Variants in CDH13 observed in about 807,000 individuals in gnomAD.
CDH13 encodes the protein cadherin-13.
A neutral mutation model predicts 63.8 loss-of-function variants in CDH13; 24 were observed. The ratio of observed to expected loss-of-function variants is 0.38; its 90% CI spans 0.27 to 0.53. The LOEUF is 0.53. Ranked by LOEUF, CDH13 falls within the 20% of genes least tolerant of loss-of-function variation. CDH13 has a pLI of 0.85. For synonymous variants in CDH13, 503 were observed against 355.3 expected, an observed-to-expected ratio of 1.42 and a Z score of -4.67; for missense variants, 1,049 against 903.1, an observed-to-expected ratio of 1.16 and a Z score of -2.07.
At chr16:83,349,318 G>A (rs2151372915) in intron 6 of CDH13, among the ~76,000 whole-genome samples, 2 of 152,194 alleles carry the variant, frequency 1.3e-5, no homozygotes, top group Middle Eastern at 3.4e-3. Flanking sequence ...GGGGGTAGAG[G>A]GTGAGAACTC....
chr16:82,885,179 A>T (rs1052391598), intron 2 of CDH13, among the ~76,000 whole-genome samples: 3 of 152,216 alleles, frequency 2.0e-5, no homozygotes, highest in Admixed American at 2.0e-4. Context: ...GTATATTATG[A>T]GCACTACTCT....
intron 2 of CDH13, among the ~76,000 whole-genome samples, chr16:82,892,957 TA>T: frequency 6.6e-6 from 1 of 152,320 alleles, no homozygotes; most frequent in East Asian, 1.9e-4. Flanking sequence ...ACAAAGTTTG[TA>T]AAAAAATTGT....
At chr16:83,467,393 C>T (rs557181500) in intron 6 of CDH13, among the ~76,000 whole-genome samples, 3 of 152,224 alleles carry the variant, frequency 2.0e-5, no homozygotes, top group African/African-American at 7.2e-5. Flanking sequence ...GGATGTCACA[C>T]ATTCATCTTC....
At chr16:83,318,395 CT>C (rs2090150243) in intron 5 of CDH13, among the ~76,000 whole-genome samples, 1 of 152,190 alleles carries the variant, frequency 6.6e-6, no homozygotes, top group African/African-American at 2.4e-5. Context: ...GTCATTTCTA[CT>C]GTTAAAACTG....
At chr16:83,108,119 C>A (rs564801458) in intron 3 of CDH13, among the ~76,000 whole-genome samples, 1 of 152,164 alleles carries the variant, frequency 6.6e-6, no homozygotes, top group African/African-American at 2.4e-5. Flanking sequence ...CCGCGCCCAG[C>A]CCCTCTTTTT....
intron 4 of CDH13, among the ~76,000 whole-genome samples, chr16:83,182,045 A>G (rs1008769803): frequency 3.3e-5 from 5 of 152,184 alleles, no homozygotes; most frequent in African/African-American, 1.2e-4. Flanking sequence ...ACTTGGGAAC[A>G]TAGGAAAAGT....
intron 5 of CDH13, among the ~76,000 whole-genome samples, chr16:83,335,554 A>C (rs1404193673): frequency 6.6e-6 from 1 of 152,124 alleles, no homozygotes; most frequent in East Asian, 1.9e-4. Context: ...ATATTGTCTT[A>C]TGCCCAATTT....
At chr16:83,315,651 AAACAG>A (rs386793201) in intron 5 of CDH13, among the ~76,000 whole-genome samples, 67 of 152,076 alleles carry the variant, frequency 4.4e-4, no homozygotes, top group African/African-American at 1.6e-3. Context: ...TAAAAAAAAA[AAACAG>A]CTCTAAGAAA....
chr16:83,337,957 C>G (rs1230616338), intron 5 of CDH13, among the ~76,000 whole-genome samples: 1 of 151,914 alleles, frequency 6.6e-6, no homozygotes, highest in East Asian at 1.9e-4. Context: ...GGAGTCCATG[C>G]AAAAACATTC....
At chr16:82,952,621 G>A (rs1476956209) in intron 2 of CDH13, among the ~76,000 whole-genome samples, 1 of 152,184 alleles carries the variant, frequency 6.6e-6, no homozygotes, top group Non-Finnish European at 1.5e-5. Context: ...GCTAGGCAAT[G>A]TGATCAATTT....
intron 7 of CDH13, among the ~76,000 whole-genome samples, chr16:83,526,167 C>T (rs1179600465): frequency 6.6e-6 from 1 of 152,160 alleles, no homozygotes; most frequent in African/African-American, 2.4e-5. Context: ...ACCTTCGAAC[C>T]AGCTTCAAAG....
At chr16:82,671,081 TG>T (rs1913187439) in intron 1 of CDH13, among the ~76,000 whole-genome samples, 2 of 152,190 alleles carry the variant, frequency 1.3e-5, no homozygotes, top group African/African-American at 4.8e-5. Flanking sequence ...GGGTATTAGA[TG>T]GCGAGGGGAA....
chr16:83,514,613 C>T (rs986582359), intron 7 of CDH13, among the ~76,000 whole-genome samples: 2 of 152,132 alleles, frequency 1.3e-5, no homozygotes, highest in African/African-American at 4.8e-5. Context: ...CCACTGCACT[C>T]CGGCCTGGGC....
chr16:83,027,691 G>C (rs895804490), intron 2 of CDH13, among the ~76,000 whole-genome samples: 1 of 152,176 alleles, frequency 6.6e-6, no homozygotes, highest in African/African-American at 2.4e-5. Flanking sequence ...CCTCCAGGGA[G>C]CAGAGCTGTG....
intron 1 of CDH13, among the ~76,000 whole-genome samples, chr16:82,832,702 T>C (rs2038599371): frequency 6.7e-6 from 1 of 148,190 alleles, no homozygotes; most frequent in African/African-American, 2.5e-5. Context: ...TTCAGTAACA[T>C]TGCCATGTTA....
At chr16:83,445,143 G>A (rs915551145) in intron 6 of CDH13, among the ~76,000 whole-genome samples, 2 of 151,944 alleles carry the variant, frequency 1.3e-5, no homozygotes, top group African/African-American at 4.8e-5. Flanking sequence ...TTCCATGCCA[G>A]CTACTACTCT....
At chr16:82,664,076 C>T (rs1912301373) in intron 1 of CDH13, among the ~76,000 whole-genome samples, 2 of 152,210 alleles carry the variant, frequency 1.3e-5, no homozygotes, top group South Asian at 2.1e-4. Context: ...ACTTACTCGT[C>T]CCTACCTCAT....
At chr16:83,663,292 C>A (rs190427521) in intron 8 of CDH13, among the ~76,000 whole-genome samples, 1 of 152,162 alleles carries the variant, frequency 6.6e-6, no homozygotes, top group Admixed American at 6.5e-5. Context: ...GGTTTAGGTC[C>A]CTCAAATGTT....
chr16:82,867,818 T>A (rs1040590153), intron 2 of CDH13, among the ~76,000 whole-genome samples: 1 of 152,212 alleles, frequency 6.6e-6, no homozygotes, highest in Non-Finnish European at 1.5e-5. Context: ...ATGTGGATAG[T>A]AATAAATGGA....
Sources: gnomAD v4.1 joint callset for allele counts (sites outside exome capture counted in the v4.1 genomes callset) on GRCh38, gnomAD v4.1.1 for gene constraint, MANE v1.5 for transcripts, NCBI Gene and HGNC (gene_info 2026-07-23, HGNC 2026-07-21) for gene names.